Variants in TBPL1 observed in about 807,000 individuals in gnomAD.
The protein encoded by TBPL1 is TATA box-binding protein-like 1.
In TBPL1, 4 loss-of-function variants were observed where a neutral mutation model predicts 22.1. The ratio of observed to expected loss-of-function variants is 0.18; its 90% CI spans 0.09 to 0.41. TBPL1 has a LOEUF of 0.41. Among genes scored for constraint, TBPL1 ranks in the 10% least tolerant of loss-of-function variants. The pLI, the probability that TBPL1 is intolerant of heterozygous loss-of-function variation, is 1.00. For missense variants in TBPL1, 115 were observed against 222.3 expected, an observed-to-expected ratio of 0.52 and a Z score of 3.07; for synonymous variants, 64 against 71.0, an observed-to-expected ratio of 0.90 and a Z score of 0.50.
At chr6:133,968,147 C>T (rs1776153286) in intron 1 of TBPL1, among the ~76,000 whole-genome samples, 1 of 151,904 alleles carries the variant, frequency 6.6e-6, no homozygotes, top group Admixed American at 6.6e-5. Flanking sequence ...TGCCACCACG[C>T]CCAGCTAATT....
chr6:133,974,034 G>T (rs1776270510), intron 1 of TBPL1, among the ~76,000 whole-genome samples: 1 of 146,824 alleles, frequency 6.8e-6, no homozygotes. Flanking sequence ...ACCCTGCTGT[G>T]CCAATTCTCT....
chr6:133,978,202 T>A (rs144423592), intron 1 of TBPL1, among the ~76,000 whole-genome samples: 4 of 152,346 alleles, frequency 2.6e-5, no homozygotes, highest in African/African-American at 9.6e-5. Context: ...TGGGCTCTAA[T>A]GTAATCATGG....
At position 133,987,090 on chromosome 6, in the gene TBPL1, C is replaced by A; in HGVS notation, c.*50C>A. On this transcript the variant is annotated 3_prime_UTR_variant, in exon 7 of 7. Coordinates refer to ENST00000237264, the MANE Select transcript of TBPL1 (RefSeq NM_004865.4). Reference sequence around the variant, plus strand: ...TCTAACTGAGCACCTTTTAAACCTGCTGCACATTGGACTCAAAAGGAAAAC... The same window carrying A: ...TCTAACTGAGCACCTTTTAAACCTGATGCACATTGGACTCAAAAGGAAAAC... 1 of 1,355,570 alleles carries A rather than the reference C, an allele frequency of 7.4e-7. No homozygotes were observed. Among genetic ancestry groups the A allele is most frequent in the Non-Finnish European group, 1.0e-6 (1 of 969,098 alleles). 84.0% of individuals were successfully genotyped at this position (1,355,570 alleles called of 1,614,324 possible). A position where few individuals can be genotyped will look rare whatever the true frequency, so the allele number is the denominator to read the frequency against.
intron 1 of TBPL1, among the ~76,000 whole-genome samples, chr6:133,959,148 T>A (rs1775976455): frequency 6.6e-6 from 1 of 152,124 alleles, no homozygotes; most frequent in Admixed American, 6.5e-5. Context: ...CAAGTGATTC[T>A]TGTGCCTCAG....
chr6:133,974,797 ATAAG>A (rs554051882), intron 1 of TBPL1, among the ~76,000 whole-genome samples: 32 of 152,352 alleles, frequency 2.1e-4, no homozygotes, highest in Middle Eastern at 3.4e-3. Context: ...ATTTGCCAAT[ATAAG>A]TAAGTGTCAT....
chr6:133,966,046 C>T (rs1232666069), intron 1 of TBPL1, among the ~76,000 whole-genome samples: 1 of 152,150 alleles, frequency 6.6e-6, no homozygotes, highest in Non-Finnish European at 1.5e-5. Flanking sequence ...AAGCATTCTG[C>T]TGAGCTCTTC....
At chr6:133,982,524 G>C in intron 2 of TBPL1, 44 bp from the exon 3 acceptor site, 1 of 1,563,054 alleles carries the variant, frequency 6.4e-7, no homozygotes, top group African/African-American at 1.4e-5. Flanking sequence ...AACCTTATGT[G>C]AAAAATAATG....
chr6:133,960,254 T>C (rs1775997991), intron 1 of TBPL1, among the ~76,000 whole-genome samples: 2 of 152,148 alleles, frequency 1.3e-5, no homozygotes, highest in South Asian at 4.1e-4. Context: ...TCAACAGAAA[T>C]TAGTGTGCTA....
In TBPL1 at chr6:133,982,887, T is replaced by C; in HGVS notation, c.282+7T>C. The C allele has an allele frequency of 6.3e-7, 1 of 1,599,108 alleles. No homozygotes were observed. Among genetic ancestry groups the C allele is most frequent in the Non-Finnish European group, 8.5e-7 (1 of 1,175,330 alleles). On this transcript the variant is annotated splice_region_variant and intron_variant, in intron 4 of 6. Coordinates refer to ENST00000237264, the MANE Select transcript of TBPL1 (RefSeq NM_004865.4). ...GCAGAAACTAGGTTTTCAGGTAACGTTTTCAAATAGTATCTAAACTACAAA... is the reference window on the plus strand; with the variant it reads ...GCAGAAACTAGGTTTTCAGGTAACGCTTTCAAATAGTATCTAAACTACAAA...
At chr6:133,984,132 G>A (rs1776465865) in intron 4 of TBPL1, among the ~76,000 whole-genome samples, 1 of 151,932 alleles carries the variant, frequency 6.6e-6, no homozygotes, top group South Asian at 2.1e-4. Context: ...CATATGATTA[G>A]AAAGACCCAT....
At position 133,987,640 on chromosome 6, in the gene TBPL1, GTGTGTGTGTA is replaced by G. The variant is rs1181145357; in HGVS notation, c.*602_*611del. The stretch of plus-strand genomic sequence containing the variant: ...AAGTGTATTTTGTGTGTGTGTGTGT[GTGTGTGTGTA>G]TATATATATATATATATGCACCACA... On this transcript the variant is annotated 3_prime_UTR_variant, in exon 7 of 7. Coordinates refer to ENST00000237264, the MANE Select transcript of TBPL1 (RefSeq NM_004865.4). The G allele has an allele frequency of 7.5e-6, 1 of 133,508 alleles. No individual in the cohort carries two copies. The highest frequency in any genetic ancestry group is 1.7e-5 in the Non-Finnish European group (1 of 60,562). 8.3% of individuals were successfully genotyped at this position (133,508 alleles called of 1,614,324 possible). A position where few individuals can be genotyped will look rare whatever the true frequency, so the allele number is the denominator to read the frequency against.
intron 1 of TBPL1, among the ~76,000 whole-genome samples, chr6:133,964,284 G>A (rs894687941): frequency 6.6e-6 from 1 of 152,078 alleles, no homozygotes; most frequent in Non-Finnish European, 1.5e-5. Context: ...CAGTTACTCA[G>A]ATCTGACAAG....
intron 1 of TBPL1, among the ~76,000 whole-genome samples, chr6:133,978,559 C>T (rs1438515703): frequency 6.6e-6 from 1 of 152,098 alleles, no homozygotes; most frequent in Non-Finnish European, 1.5e-5. Flanking sequence ...CTGCCTCACT[C>T]CTCATACGTA....
At chr6:133,964,035 C>T (rs1477536926) in intron 1 of TBPL1, among the ~76,000 whole-genome samples, 6 of 152,120 alleles carry the variant, frequency 3.9e-5, no homozygotes, top group African/African-American at 9.6e-5. Flanking sequence ...AGCAAGACTG[C>T]GTCTCAAAAA....
rs2114406264 is a variant in TBPL1, at chr6:133,989,610, C to T, written c.*2570C>T. On this transcript the variant is annotated 3_prime_UTR_variant, in exon 7 of 7. Coordinates refer to ENST00000237264, the MANE Select transcript of TBPL1 (RefSeq NM_004865.4). Reference sequence around the variant, plus strand: ...ATGATAGAATTGAGATCTCCAATCTCCTTTCCTTTTAGCTTCCCCCTGCCA... The same window carrying T: ...ATGATAGAATTGAGATCTCCAATCTTCTTTCCTTTTAGCTTCCCCCTGCCA... 6.6e-6 allele frequency: 1 copy of T among 152,288 alleles called. No homozygotes were observed. Among genetic ancestry groups the T allele is most frequent in the East Asian group, 1.9e-4 (1 of 5,178 alleles). 9.4% of individuals were successfully genotyped at this position (152,288 alleles called of 1,614,324 possible).
At chr6:133,968,010 TC>T (rs1215663593) in intron 1 of TBPL1, among the ~76,000 whole-genome samples, 1 of 151,212 alleles carries the variant, frequency 6.6e-6, no homozygotes, top group Non-Finnish European at 1.5e-5. Flanking sequence ...GTGACTATTT[TC>T]TTTTTTTTTT....
intron 1 of TBPL1, among the ~76,000 whole-genome samples, chr6:133,976,166 T>C (rs949512164): frequency 3.9e-5 from 6 of 152,210 alleles, no homozygotes; most frequent in Non-Finnish European, 7.3e-5. Flanking sequence ...TCAGTGAAAA[T>C]AGGTGGCTTT....
intron 1 of TBPL1, among the ~76,000 whole-genome samples, chr6:133,978,862 A>G (rs1263340724): frequency 6.6e-6 from 1 of 152,182 alleles, no homozygotes; most frequent in Non-Finnish European, 1.5e-5. Flanking sequence ...TATAAAGAAT[A>G]CTAGTTTTTT....
chr6:133,978,233 T>C (rs1365624728), intron 1 of TBPL1, among the ~76,000 whole-genome samples: 1 of 152,238 alleles, frequency 6.6e-6, no homozygotes, highest in East Asian at 1.9e-4. Context: ...TAAGAAATCC[T>C]CTGCCTGTTG....
Sources: allele counts gnomAD v4.1 joint callset (sites outside exome capture counted in the v4.1 genomes callset), GRCh38; gene constraint gnomAD v4.1.1; transcripts MANE v1.5; gene names NCBI Gene and HGNC (gene_info 2026-07-23, HGNC 2026-07-21).